The following DTNBP1 variants were observed in gnomAD, a reference collection of about 807,000 sequenced individuals.
DTNBP1 encodes dystrobrevin binding protein 1, also known as dysbindin.
In DTNBP1, 35 loss-of-function variants were observed where a neutral mutation model predicts 42.8. The ratio of observed to expected loss-of-function variants is 0.82; its 90% CI spans 0.63 to 1.09. The LOEUF is 1.09. Among genes scored for constraint, DTNBP1 ranks in the 50% least tolerant of loss-of-function variants. The pLI is 0.00. For synonymous variants in DTNBP1, 171 were observed against 162.2 expected (o/e 1.05, Z -0.41); for missense variants, 457 against 424.2 (o/e 1.08, Z -0.68).
intron 7 of DTNBP1, among the ~76,000 whole-genome samples, chr6:15,579,321 T>C (rs977952827): frequency 2.6e-5 from 4 of 152,144 alleles, no homozygotes; most frequent in Non-Finnish European, 4.4e-5. Context: ...TTCTCACTCA[T>C]ATATGGAAGC....
chr6:15,621,212 G>T (rs1033965899), intron 5 of DTNBP1, among the ~76,000 whole-genome samples: 1 of 152,166 alleles, frequency 6.6e-6, no homozygotes, highest in Non-Finnish European at 1.5e-5. Context: ...TGATTTTTCT[G>T]AAAAGAAACT....
intron 1 of DTNBP1, among the ~76,000 whole-genome samples, chr6:15,655,968 A>G (rs1761254492): frequency 6.6e-6 from 1 of 152,216 alleles, no homozygotes; most frequent in Non-Finnish European, 1.5e-5. Flanking sequence ...TGTGAAGGAA[A>G]TACTGACCTA....
chr6:15,526,251 TAAGC>T, intron 8 of DTNBP1, among the ~76,000 whole-genome samples: 1 of 152,290 alleles, frequency 6.6e-6, no homozygotes, highest in South Asian at 2.1e-4. Flanking sequence ...GAAAGCATGT[TAAGC>T]AAAGAGACGT....
intron 7 of DTNBP1, among the ~76,000 whole-genome samples, chr6:15,562,370 A>T (rs1390214145): frequency 6.6e-6 from 1 of 152,146 alleles, no homozygotes; most frequent in East Asian, 1.9e-4. Flanking sequence ...GAAACCTTTG[A>T]CTTTCTGTAT....
intron 5 of DTNBP1, among the ~76,000 whole-genome samples, chr6:15,616,978 C>A (rs1272008502): frequency 6.6e-6 from 1 of 152,092 alleles, no homozygotes. Context: ...TATACAACAA[C>A]AATGAAATTG....
chr6:15,662,777 C>G (rs1184382821), intron 1 of DTNBP1, 37 bp downstream of exon 1: 2 of 1,611,632 alleles, frequency 1.2e-6, no homozygotes, highest in African/African-American at 1.3e-5. Flanking sequence ...CGGCCCGGCC[C>G]CCTCAGGTCC....
At chr6:15,537,761 A>G (rs1416584963) in intron 7 of DTNBP1, among the ~76,000 whole-genome samples, 1 of 152,098 alleles carries the variant, frequency 6.6e-6, no homozygotes, top group Non-Finnish European at 1.5e-5. Flanking sequence ...GAAGAAGGTG[A>G]CTGCTTCCCC....
chr6:15,556,721 G>A (rs146985301), intron 7 of DTNBP1, among the ~76,000 whole-genome samples: 1 of 152,218 alleles, frequency 6.6e-6, no homozygotes, highest in East Asian at 1.9e-4. Context: ...CTCCTCGCCT[G>A]CCCAGCCCCA....
chr6:15,538,984 A>G (rs1773403485), intron 7 of DTNBP1, among the ~76,000 whole-genome samples: 1 of 152,200 alleles, frequency 6.6e-6, no homozygotes, highest in South Asian at 2.1e-4. Context: ...TATCTGCCTT[A>G]GTCCCTGCCC....
intron 5 of DTNBP1, among the ~76,000 whole-genome samples, chr6:15,625,065 T>C (rs907966663): frequency 6.6e-6 from 1 of 152,230 alleles, no homozygotes; most frequent in Non-Finnish European, 1.5e-5. Context: ...AACAACTCTC[T>C]CTGGGCTTAT....
At chr6:15,595,065 C>T (rs565746009) in intron 6 of DTNBP1, 2 of 455,554 alleles carry the variant, frequency 4.4e-6, no homozygotes, top group African/African-American at 2.0e-5. Context: ...GAGGACAAGC[C>T]CAGCATCTTC....
At chr6:15,523,471 C>T (rs1041986388) in intron 9 of DTNBP1, 1 of 1,302,996 alleles carries the variant, frequency 7.7e-7, no homozygotes, top group Non-Finnish European at 9.9e-7. Flanking sequence ...TCAAGTGCTC[C>T]TAAGGCTGTA....
rs529941364 is a variant in DTNBP1 at position 15,586,511 on chromosome 6, T to C, written c.511+6548A>G. Among the ~76,000 whole-genome samples the C allele has an allele frequency of 1.8e-4, 28 of 151,428 alleles. 1 individual carries two copies. Among genetic ancestry groups the C allele is most frequent in the Admixed American group, 1.4e-3 (21 of 15,182 alleles). On this transcript the variant is annotated intron_variant, in intron 7 of 9. Transcript: ENST00000344537. ...CTTCTGTTCCTTTTTCATACAAATA[T>C]ACTCAACTTCCTCCCAAAATTAAAA...
chr6:15,613,898 C>G lies in DTNBP1; in HGVS notation c.488+1369G>C, dbSNP rs191172706. ...ACTATGGTCCACAGGCCACCCATATCAGAATTACCTAGAATGCCTGTTTCA... is the reference window on the plus strand; with the variant it reads ...ACTATGGTCCACAGGCCACCCATATGAGAATTACCTAGAATGCCTGTTTCA... On this transcript the variant is annotated intron_variant, in intron 6 of 9. Transcript: ENST00000344537. Among the ~76,000 whole-genome samples the G allele has an allele frequency of 5.8e-4, 89 of 152,274 alleles. 1 individual carries two copies. The highest frequency in any genetic ancestry group is 4.4e-3 in the Admixed American group (68 of 15,300).
At chr6:15,578,689 T>C (rs541650735) in intron 7 of DTNBP1, among the ~76,000 whole-genome samples, 1 of 152,240 alleles carries the variant, frequency 6.6e-6, no homozygotes, top group East Asian at 1.9e-4. Flanking sequence ...CTGGAAGAAA[T>C]AACAAGCTAA....
At chr6:15,559,367 C>CA (rs1485885170) in intron 7 of DTNBP1, among the ~76,000 whole-genome samples, 3 of 152,062 alleles carry the variant, frequency 2.0e-5, no homozygotes, top group Non-Finnish European at 2.9e-5. Context: ...GAGTGAAAAT[C>CA]AAAAAAATTG....
At chr6:15,568,378 C>G (rs1775191378) in intron 7 of DTNBP1, among the ~76,000 whole-genome samples, 1 of 152,172 alleles carries the variant, frequency 6.6e-6, no homozygotes, top group South Asian at 2.1e-4. Context: ...ATCTTCATTT[C>G]TGAAGGCTCC....
intron 7 of DTNBP1, among the ~76,000 whole-genome samples, chr6:15,562,514 T>C (rs1231061630): frequency 9.2e-5 from 14 of 152,194 alleles, no homozygotes; most frequent in Admixed American, 9.2e-4. Flanking sequence ...AAATCCCAAA[T>C]GGATGTATGG....
At chr6:15,549,490 TTAAAAAAAAAAAA>T (rs1774087314) in intron 7 of DTNBP1, among the ~76,000 whole-genome samples, 1 of 101,802 alleles carries the variant, frequency 9.8e-6, no homozygotes, top group Admixed American at 1.1e-4. Flanking sequence ...GTCTCAGGGA[TTAAAAAAAAAAAA>T]AAAAAAAAAA....
Sources: allele counts gnomAD v4.1 joint callset (sites outside exome capture counted in the v4.1 genomes callset), GRCh38; gene constraint gnomAD v4.1.1; transcripts MANE v1.5; gene names NCBI Gene and HGNC (gene_info 2026-07-23, HGNC 2026-07-21).